Variants in UGT2B11 observed in about 807,000 individuals in gnomAD.
The protein encoded by UGT2B11 is UDP glucuronosyltransferase family 2 member B11, also known as UDP-glucuronosyltransferase 2B11.
UGT2B11 carries 49 observed loss-of-function variants against 51.7 expected under a neutral mutation model. That is an observed-to-expected ratio of 0.95 (90% confidence interval 0.75 to 1.20). UGT2B11 has a LOEUF of 1.20. UGT2B11 is among the 50% of genes most tolerant of loss of function. The pLI is 0.00. For synonymous variants in UGT2B11, 273 were observed against 209.0 expected (o/e 1.31, Z -2.64); for missense variants, 810 against 622.1 (o/e 1.30, Z -3.21).
Position 69,214,610 on chromosome 4 carries a change from T to A in UGT2B11, c.113A>T (p.Asn38Ile), listed in dbSNP as rs148025519. 5 of 1,613,194 alleles carry A rather than the reference T, an allele frequency of 3.1e-6. No individual in the cohort carries two copies. Among genetic ancestry groups the A allele is most frequent in the Middle Eastern group, 1.6e-4 (1 of 6,078 alleles). The change falls in exon 1 of 6, where the codon AAT (asparagine) becomes ATT (isoleucine). Residue 38 changes from asparagine to isoleucine, a missense_variant. Physicochemically the swap from Asn to Ile is moderately radical, Grantham distance 149. Coordinates refer to ENST00000446444, the MANE Select transcript of UGT2B11 (RefSeq NM_001073.3). Reference sequence around the variant, plus strand: ...AAGCTCTTTCAGGATTGTCTTCATATTCATCCAATGGCTGTATTCTGCGGC... The same window carrying A: ...AAGCTCTTTCAGGATTGTCTTCATAATCATCCAATGGCTGTATTCTGCGGC... ...VWAAEYSHWM[N>I]MKTILKELVQ... is the part of the protein sequence containing the mutation.
Position 69,200,675 on chromosome 4 carries a change from T to G in UGT2B11, c.1355A>C (p.Gln452Pro). The G allele has an allele frequency of 6.2e-7, 1 of 1,611,980 alleles. No individual in the cohort carries two copies. Among genetic ancestry groups the G allele is most frequent in the Admixed American group, 1.7e-5 (1 of 59,822 alleles). The change falls in exon 6 of 6, where the codon CAA becomes CCA. Residue 452 changes from glutamine to proline, a missense_variant. By Grantham distance (76) the Gln-to-Pro change is moderately conservative. Transcript: ENST00000446444. ...IMKLSRIQHD[Q>P]PVKPLDRAVF... The stretch of plus-strand genomic sequence containing the variant: ...TGCTCGATCCAGGGGCTTTACTGGT[T>G]GATCATGTTGAATTCTTGATAATTT...
chr4:69,219,044 C>A (rs1255069226), upstream of UGT2B11, among the ~76,000 whole-genome samples: 1 of 152,114 alleles, frequency 6.6e-6, no homozygotes, highest in Non-Finnish European at 1.5e-5. Flanking sequence ...TTCAGGCACC[C>A]CATTCAGCGT....
chr4:69,214,214 T>C lies in UGT2B11; in HGVS notation c.509A>G (p.Tyr170Cys), dbSNP rs755318929. The C allele has an allele frequency of 3.7e-6, 6 of 1,613,154 alleles. No individual in the cohort carries two copies. Among genetic ancestry groups the C allele is most frequent in the African/African-American group, 1.3e-5 (1 of 74,840 alleles). The stretch of plus-strand genomic sequence containing the variant: ...GTAGCCAGGAGTAAAGCGGAGACTG[T>C]ACACAAACCGTATGTTAAGTAGCGC... ...LAALLNIRFV[Y>C]SLRFTPGYTI... The change falls in exon 1 of 6, where the codon TAC (tyrosine) becomes TGC (cysteine). Residue 170 changes from tyrosine to cysteine, a missense_variant. Transcript: ENST00000446444.
intron 5 of UGT2B11, 148 bp downstream of exon 5, chr4:69,204,282 T>A: frequency 2.4e-6 from 3 of 1,270,842 alleles, no homozygotes; most frequent in Non-Finnish European, 3.2e-6. Flanking sequence ...AAATAATAGA[T>A]GATAAAAACA....
the UGT2B11 span, among the ~76,000 whole-genome samples, chr4:69,220,890 T>G: frequency 6.6e-6 from 1 of 152,156 alleles, no homozygotes; most frequent in African/African-American, 2.4e-5. Flanking sequence ...AGAATTAAGC[T>G]GGCTTTGTAG....
intron 2 of UGT2B11, among the ~76,000 whole-genome samples, chr4:69,210,914 G>T (rs1178676642): frequency 6.6e-6 from 1 of 151,588 alleles, no homozygotes; most frequent in Non-Finnish European, 1.5e-5. Context: ...AATATGTGAG[G>T]TTCTTGTGTT....
chr4:69,219,761 G>C, the UGT2B11 span, among the ~76,000 whole-genome samples: 1 of 152,104 alleles, frequency 6.6e-6, no homozygotes, highest in Non-Finnish European at 1.5e-5. Context: ...GCGCTACAAT[G>C]ATTCAATTAC....
the UGT2B11 span, among the ~76,000 whole-genome samples, chr4:69,221,191 G>GA: frequency 1.3e-5 from 2 of 152,282 alleles, no homozygotes; most frequent in East Asian, 3.9e-4. Context: ...TATCACAGAT[G>GA]AAAAAAATGC....
In UGT2B11 at chr4:69,212,572, C is replaced by A. The variant is rs768110154; in HGVS notation, c.870+1G>T. ...AATAAAACCAACAAAAGTATGTTTACCTTAGGTAGGGGTTTGGCAGGTTTG... is the reference window on the plus strand; with the variant it reads ...AATAAAACCAACAAAAGTATGTTTAACTTAGGTAGGGGTTTGGCAGGTTTG... On this transcript the variant is annotated splice_donor_variant, in intron 2 of 5. Coordinates refer to ENST00000446444, the MANE Select transcript of UGT2B11 (RefSeq NM_001073.3). LOFTEE classifies it high-confidence loss of function. 2.5e-6 allele frequency: 4 copies of A among 1,605,238 alleles called. No individual in the cohort carries two copies.
intron 3 of UGT2B11, among the ~76,000 whole-genome samples, chr4:69,207,847 G>A (rs1173383053): frequency 1.3e-5 from 2 of 151,556 alleles, no homozygotes; most frequent in African/African-American, 2.4e-5. Context: ...TTCACTCATT[G>A]GATACTGCTG....
At chr4:69,204,009 T>C (rs1427784000) in intron 5 of UGT2B11, among the ~76,000 whole-genome samples, 2 of 151,746 alleles carry the variant, frequency 1.3e-5, no homozygotes, top group East Asian at 3.9e-4. Context: ...TTAAATCTCA[T>C]TTTCAAGTCT....
At chr4:69,222,759 A>G in the UGT2B11 span, among the ~76,000 whole-genome samples, 1 of 152,202 alleles carries the variant, frequency 6.6e-6, no homozygotes, top group South Asian at 2.1e-4. Context: ...ATTTGCCTTT[A>G]TCTGTTTCAA....
upstream of UGT2B11, chr4:69,215,948 A>G (rs1253746983): frequency 6.6e-6 from 1 of 152,054 alleles, no homozygotes; most frequent in Non-Finnish European, 1.5e-5. Flanking sequence ...TCTTTTTGTT[A>G]AAAATCTCAA....
In UGT2B11 at chr4:69,200,635, T is replaced by G. The variant is rs1468445846; in HGVS notation, c.1395A>C (p.Glu465Asp). Residue 465 changes from glutamate to aspartate, a missense_variant, in exon 6 of 6, where the codon GAA (glutamate) becomes GAC (aspartate). By Grantham distance (45) the Glu-to-Asp change is conservative. Transcript: ENST00000446444. ...TGGCTCCTTTGTGGGGCATGACAAA[T>G]TCAATCCAGAAGACTGCTCGATCCA... is the stretch of plus-strand genomic sequence containing the variant. Reference protein sequence around the residue: ...KPLDRAVFWIEFVMPHKGAKH... With the variant: ...KPLDRAVFWIDFVMPHKGAKH... 5.0e-6 allele frequency: 8 copies of G among 1,612,474 alleles called. No homozygotes were observed. The highest frequency in any genetic ancestry group is 6.8e-6 in the Non-Finnish European group (8 of 1,178,978).
At chr4:69,221,174 G>T in the UGT2B11 span, among the ~76,000 whole-genome samples, 373 of 152,314 alleles carry the variant, frequency 2.4e-3, no homozygotes, top group African/African-American at 8.3e-3. Context: ...GGCATGATAG[G>T]CTGTGATATC....
At chr4:69,219,668 A>C (rs559662294), upstream of UGT2B11, among the ~76,000 whole-genome samples, 7 of 152,264 alleles carry the variant, frequency 4.6e-5, no homozygotes, top group South Asian at 2.1e-4. Context: ...AGGCAAGAAG[A>C]CTTGTGTAGG....
At chr4:69,209,767 T>C (rs1721989203) in intron 2 of UGT2B11, among the ~76,000 whole-genome samples, 1 of 151,572 alleles carries the variant, frequency 6.6e-6, no homozygotes, top group Non-Finnish European at 1.5e-5. Context: ...CAGTGTTTCA[T>C]CTCACTGGCT....
At chr4:69,218,233 T>A (rs75510458), upstream of UGT2B11, among the ~76,000 whole-genome samples, 17,316 of 152,012 alleles carry the variant, frequency 0.11, 1,191 homozygotes, top group East Asian at 0.27. Flanking sequence ...CAGCATTTGA[T>A]AATATGTACC....
At chr4:69,200,847 G>C in intron 5 of UGT2B11, 128 bp from the exon 6 acceptor site, 1 of 1,190,482 alleles carries the variant, frequency 8.4e-7, no homozygotes, top group East Asian at 2.9e-5. Context: ...CAGAGAATTT[G>C]TGTATTTTAA....
Sources: allele counts gnomAD v4.1 joint callset (sites outside exome capture counted in the v4.1 genomes callset), GRCh38; gene constraint gnomAD v4.1.1; transcripts MANE v1.5; gene names NCBI Gene and HGNC (gene_info 2026-07-23, HGNC 2026-07-21).